The following DLC1 variants were observed in gnomAD, a reference collection of about 807,000 sequenced individuals.
DLC1 encodes DLC1 Rho GTPase activating protein.
A neutral mutation model predicts 140.3 loss-of-function variants in DLC1; 54 were observed. The observed-to-expected ratio is 0.38, with a 90% CI of 0.31 to 0.48. The LOEUF is 0.48. DLC1 is among the 20% of genes least tolerant of loss of function. The pLI, the probability that DLC1 is intolerant of heterozygous loss-of-function variation, is 0.96. For synonymous variants in DLC1, 986 were observed against 728.1 expected, an observed-to-expected ratio of 1.35 and a Z score of -5.70; for missense variants, 2,536 against 1,907.0, an observed-to-expected ratio of 1.33 and a Z score of -6.14.
chr8:13,177,442 A>G (rs983778512), intron 5 of DLC1, among the ~76,000 whole-genome samples: 1 of 152,236 alleles, frequency 6.6e-6, no homozygotes, highest in Non-Finnish European at 1.5e-5. Flanking sequence ...TGTTATTTAA[A>G]TATAGCACTT....
intron 2 of DLC1, among the ~76,000 whole-genome samples, chr8:13,433,271 G>A (rs1353126772): frequency 3.9e-5 from 6 of 152,130 alleles, no homozygotes; most frequent in Admixed American, 2.6e-4. Flanking sequence ...AAATGGCGAG[G>A]CTCTTACTGA....
chr8:13,444,242 T>G (rs1054482975), intron 2 of DLC1, among the ~76,000 whole-genome samples: 2 of 151,834 alleles, frequency 1.3e-5, no homozygotes, highest in South Asian at 2.1e-4. Flanking sequence ...TAGGTGGGAG[T>G]TGAACAATGA....
At chr8:13,248,807 C>A (rs1447545868) in intron 5 of DLC1, among the ~76,000 whole-genome samples, 1 of 152,198 alleles carries the variant, frequency 6.6e-6, no homozygotes, top group African/African-American at 2.4e-5. Flanking sequence ...CCTGGCTTCT[C>A]AATATCTTCA....
Position 13,579,313 on chromosome 8 carries a change from C to CTT in DLC1, c.-126+25222_-126+25223dup, listed in dbSNP as rs1252390206. 4.6e-3 allele frequency among the ~76,000 whole-genome samples: 82 copies of CTT among 17,772 alleles called. 14 individuals carry two copies. Among genetic ancestry groups the CTT allele is most frequent in the African/African-American group, 5.4e-3 (25 of 4,672 alleles). The allele number at this position is 17,772 out of a possible 152,430, so 11.7% of individuals were successfully genotyped here. A position where few individuals can be genotyped will look rare whatever the true frequency, so the allele number is the denominator to read the frequency against. ...TTAAAGTCAGATACCACAGGTCTGA[C>CTT]TTTATATATATATATATATATATAT... is the stretch of plus-strand genomic sequence containing the variant. On this transcript the variant is annotated intron_variant, in intron 1 of 1. Coordinates refer to the DLC1 transcript ENST00000631382.
chr8:13,498,905 G>A (rs1207466990), intron 2 of DLC1, 144 bp downstream of exon 2: 8 of 878,240 alleles, frequency 9.1e-6, no homozygotes, highest in Non-Finnish European at 1.6e-6. Context: ...GTTTGACCAA[G>A]TGGGTAGTCG....
At chr8:13,363,298 G>C (rs1835324180) in intron 4 of DLC1, among the ~76,000 whole-genome samples, 1 of 150,900 alleles carries the variant, frequency 6.6e-6, no homozygotes, top group African/African-American at 2.4e-5. Flanking sequence ...TTTCTGCACT[G>C]TGTTCTCAGA....
chr8:13,238,653 C>T (rs1011184842), intron 5 of DLC1, among the ~76,000 whole-genome samples: 3 of 152,118 alleles, frequency 2.0e-5, no homozygotes, highest in Non-Finnish European at 2.9e-5. Context: ...CAGGACTTGG[C>T]GATCTGAGGA....
chr8:13,547,107 G>A (rs2117345356), intron 1 of DLC1, among the ~76,000 whole-genome samples: 1 of 152,154 alleles, frequency 6.6e-6, no homozygotes, highest in Non-Finnish European at 1.5e-5. Context: ...CACACTATAT[G>A]ATGGAAAGCT....
At chr8:13,308,262 C>T (rs918706096) in intron 4 of DLC1, among the ~76,000 whole-genome samples, 3 of 152,208 alleles carry the variant, frequency 2.0e-5, no homozygotes, top group African/African-American at 7.2e-5. Flanking sequence ...TAGAATGTCA[C>T]CACACTCTGC....
chr8:13,097,836 G>A (rs374969398), intron 10 of DLC1, among the ~76,000 whole-genome samples: 3 of 151,850 alleles, frequency 2.0e-5, no homozygotes, highest in East Asian at 1.9e-4. Flanking sequence ...ACCCACCCAC[G>A]CTGATAATTT....
Position 13,597,470 on chromosome 8 carries a change from G to C in DLC1, c.-126+7067C>G, listed in dbSNP as rs62493215. ...AAAAAATAGCCTGAAATACCATCTC[G>C]TTTCCTGAGCTATGTTTGTCAGCAT... On this transcript the variant is annotated intron_variant, in intron 1 of 1. Transcript: ENST00000631382. Among the ~76,000 whole-genome samples, 115 of 151,860 alleles carry C rather than the reference G, an allele frequency of 7.6e-4. 1 individual carries two copies. Among genetic ancestry groups the C allele is most frequent in the African/African-American group, 2.5e-3 (104 of 41,440 alleles).
intron 4 of DLC1, among the ~76,000 whole-genome samples, chr8:13,314,530 T>C (rs1353444099): frequency 6.6e-6 from 1 of 152,062 alleles, no homozygotes; most frequent in Non-Finnish European, 1.5e-5. Flanking sequence ...ATATCCATCT[T>C]GGTCAGGTTA....
At chr8:13,586,442 T>A (rs921351763) in intron 1 of DLC1, among the ~76,000 whole-genome samples, 3 of 152,154 alleles carry the variant, frequency 2.0e-5, no homozygotes, top group Non-Finnish European at 4.4e-5. Flanking sequence ...CATGCTGGTG[T>A]CATCAGCAGA....
At chr8:13,516,706 C>T (rs993633916), upstream of DLC1, among the ~76,000 whole-genome samples, 1 of 152,122 alleles carries the variant, frequency 6.6e-6, no homozygotes, top group Non-Finnish European at 1.5e-5. Flanking sequence ...AACCATAGGC[C>T]AAGAAAGAAG....
At chr8:13,433,267 C>T (rs531390084) in intron 2 of DLC1, among the ~76,000 whole-genome samples, 3 of 152,102 alleles carry the variant, frequency 2.0e-5, no homozygotes, top group East Asian at 1.9e-4. Context: ...ATAAAAATGG[C>T]GAGGCTCTTA....
At chr8:13,476,907 C>G (rs1800457512) in intron 2 of DLC1, among the ~76,000 whole-genome samples, 2 of 152,146 alleles carry the variant, frequency 1.3e-5, no homozygotes, top group Non-Finnish European at 2.9e-5. Flanking sequence ...GTGCCAAGGA[C>G]ATAAGAAGAC....
At chr8:13,232,786 T>G (rs537456229) in intron 5 of DLC1, among the ~76,000 whole-genome samples, 53 of 152,318 alleles carry the variant, frequency 3.5e-4, no homozygotes, top group Middle Eastern at 3.4e-3. Flanking sequence ...ATACAAATCA[T>G]TTCATCCATG....
At chr8:13,141,427 T>TG (rs1168899934) in intron 5 of DLC1, among the ~76,000 whole-genome samples, 3 of 152,168 alleles carry the variant, frequency 2.0e-5, no homozygotes, top group Non-Finnish European at 4.4e-5. Context: ...GGAAAATCTG[T>TG]GAGGTTTTCA....
At position 13,266,652 on chromosome 8, in the gene DLC1, C is replaced by G. The variant is rs560567703; in HGVS notation, c.1348+38617G>C. On this transcript the variant is annotated intron_variant, in intron 5 of 17. Coordinates refer to ENST00000276297, the MANE Select transcript of DLC1 (RefSeq NM_182643.3). ...CCCAGCTACTCGGGAGGCTGAGGCACAAGAATCACTTGAATCTGGAAGGCA... is the reference window on the plus strand; with the variant it reads ...CCCAGCTACTCGGGAGGCTGAGGCAGAAGAATCACTTGAATCTGGAAGGCA... Among the ~76,000 whole-genome samples, 195 of 152,046 alleles carry G rather than the reference C, an allele frequency of 1.3e-3. 3 individuals are homozygous for G. Among genetic ancestry groups the G allele is most frequent in the African/African-American group, 4.4e-3 (184 of 41,476 alleles).
Sources: allele counts gnomAD v4.1 joint callset (sites outside exome capture counted in the v4.1 genomes callset), GRCh38; gene constraint gnomAD v4.1.1; transcripts MANE v1.5; gene names NCBI Gene and HGNC (gene_info 2026-07-23, HGNC 2026-07-21).